The following TRPM2 variants were observed in gnomAD, a reference collection of about 807,000 sequenced individuals.
TRPM2 encodes estrogen-responsive element-associated gene 1 protein.
Under a neutral mutation model 174.0 loss-of-function variants are expected in TRPM2, and 161 were observed. That is an observed-to-expected ratio of 0.93 (90% CI 0.81 to 1.05). The LOEUF (loss-of-function observed/expected upper bound fraction) is 1.05, where lower values mean the gene tolerates loss of function less well. Among genes scored for constraint, TRPM2 ranks in the 50% least tolerant of loss-of-function variants. TRPM2 has a pLI of 0.00. For missense variants in TRPM2, 2,057 were observed against 2,038.0 expected (o/e 1.01, Z -0.18); for synonymous variants, 954 against 861.3 (o/e 1.11, Z -1.88).
chr21:44,405,326 G>A, intron 17 of TRPM2, 66 bp downstream of exon 17: 1 of 1,594,308 alleles, frequency 6.3e-7, no homozygotes, highest in Non-Finnish European at 8.5e-7. Flanking sequence ...ATGAGCACAG[G>A]CCGGGCCCAG....
chr21:44,439,357 GT>G lies in TRPM2; in HGVS notation c.4269+190del, dbSNP rs767551936. Among the ~76,000 whole-genome samples, 70 of 152,154 alleles carry G rather than the reference GT, an allele frequency of 4.6e-4. No individual in the cohort carries two copies. The highest frequency in any genetic ancestry group is 8.5e-4 in the Non-Finnish European group (58 of 68,010). Reference sequence around the variant, plus strand: ...TCCCAGAGGACCCGGAAGCATAGCTGTGTGCAGGGCCCCTCAGACATCTCGC... The same window carrying G: ...TCCCAGAGGACCCGGAAGCATAGCTGGTGCAGGGCCCCTCAGACATCTCGC... On this transcript the variant is annotated intron_variant, in intron 30 of 31. Coordinates refer to ENST00000397928, the MANE Select transcript of TRPM2 (RefSeq NM_003307.4). This position sits in a 1 kb window ranked among gnomAD's most constrained non-coding sequence, Gnocchi z 5.1.
intron 2 of TRPM2, among the ~76,000 whole-genome samples, chr21:44,361,834 G>C (rs2048216940): frequency 6.6e-6 from 1 of 152,088 alleles, no homozygotes; most frequent in Non-Finnish European, 1.5e-5. Context: ...TCAGTCTCCT[G>C]AATAGCTGGG....
intron 31 of TRPM2, 68 bp downstream of exon 31, chr21:44,440,973 G>T: frequency 7.1e-7 from 1 of 1,400,290 alleles, no homozygotes; most frequent in Middle Eastern, 1.8e-4. Context: ...GGCCTCCGGG[G>T]AGGGGGTTGG....
intron 12 of TRPM2, among the ~76,000 whole-genome samples, chr21:44,397,381 G>T (rs1452124070): frequency 6.6e-6 from 1 of 152,168 alleles, no homozygotes; most frequent in Non-Finnish European, 1.5e-5. Flanking sequence ...AAAAAAACTG[G>T]TTCTGTGGTT....
chr21:44,369,279 T>C lies in TRPM2; in HGVS notation c.707T>C (p.Leu236Pro). The stretch of plus-strand genomic sequence containing the variant: ...AGCAGCAGCTACAAGGAAGGCGAGC[T>C]CATCACCATCGGAGTCGCCACCTGG... ...SLSSSYKEGELITIGVATWGT... is the reference protein window; with the variant it reads ...SLSSSYKEGEPITIGVATWGT... The change falls in exon 5 of 32, where the codon CTC (leucine) becomes CCC (proline). Residue 236 changes from leucine to proline, a missense_variant. Transcript: ENST00000397928. 11 of 1,613,748 alleles carry C rather than the reference T, an allele frequency of 6.8e-6. No individual in the cohort carries two copies. Among genetic ancestry groups the C allele is most frequent in the Non-Finnish European group, 9.3e-6 (11 of 1,179,920 alleles).
chr21:44,434,201 A>AC (rs1242371969), intron 27 of TRPM2, among the ~76,000 whole-genome samples: 3 of 152,100 alleles, frequency 2.0e-5, no homozygotes, highest in Non-Finnish European at 4.4e-5. Flanking sequence ...GAGGAACGAT[A>AC]CCACTGTCCC....
chr21:44,419,948 G>C (rs1009303593), intron 22 of TRPM2, among the ~76,000 whole-genome samples: 2 of 150,868 alleles, frequency 1.3e-5, no homozygotes, highest in Non-Finnish European at 3.0e-5. Flanking sequence ...GCTGGTGCTG[G>C]TGGTGGTGAC....
Position 44,439,042 on chromosome 21 carries a change from C to G in TRPM2, c.4168-25C>G, listed in dbSNP as rs773669124. On this transcript the variant is annotated intron_variant, in intron 29 of 31. Transcript: ENST00000397928. This position sits in a 1 kb window ranked among gnomAD's most constrained non-coding sequence, Gnocchi z 5.1. ...GGTCCCGCTTCGGTGCCCTGTTGAC[C>G]TGCCTCCGTCCTCTGTCTGTCCAGG... The G allele has an allele frequency of 1.9e-6, 3 of 1,602,284 alleles. No homozygotes were observed. The highest frequency in any genetic ancestry group is 2.2e-5 in the South Asian group (2 of 90,756).
intron 9 of TRPM2, among the ~76,000 whole-genome samples, chr21:44,387,827 A>T (rs926020726): frequency 6.6e-6 from 1 of 152,258 alleles, no homozygotes; most frequent in African/African-American, 2.4e-5. Context: ...AGAAATGCAG[A>T]TCAAAACTAA....
At chr21:44,418,677 C>T (rs952430216) in intron 22 of TRPM2, 122 bp downstream of exon 22, 6 of 1,257,312 alleles carry the variant, frequency 4.8e-6, no homozygotes, top group African/African-American at 3.0e-5. Context: ...GGTGAGGGAG[C>T]GCTGTATCCC....
In TRPM2 at chr21:44,391,048, T is replaced by C; in HGVS notation, c.1440+23T>C. On this transcript the variant is annotated intron_variant, in intron 10 of 31. Coordinates refer to ENST00000397928, the MANE Select transcript of TRPM2 (RefSeq NM_003307.4). This position sits in a 1 kb window ranked among gnomAD's most constrained non-coding sequence, Gnocchi z 5.0. ...AAGGTAAGTCTTCCAGAGCACCCCG[T>C]GGAGGGGCCTACTGGGCCCACATGC... The C allele has an allele frequency of 6.2e-7, 1 of 1,613,366 alleles. No homozygotes were observed. Among genetic ancestry groups the C allele is most frequent in the Non-Finnish European group, 8.5e-7 (1 of 1,179,982 alleles).
chr21:44,377,688 C>T, intron 6 of TRPM2, 24 bp from the exon 7 acceptor site: 6 of 1,613,908 alleles, frequency 3.7e-6, no homozygotes, highest in South Asian at 1.1e-5. Context: ...GTGTGGCCCT[C>T]ACTCGGCTGT....
At chr21:44,413,169 C>T (rs2050159411) in intron 19 of TRPM2, among the ~76,000 whole-genome samples, 1 of 151,892 alleles carries the variant, frequency 6.6e-6, no homozygotes, top group African/African-American at 2.4e-5. Context: ...CTTCCCTTTT[C>T]CACATCTCCA....
At chr21:44,422,138 C>A in intron 22 of TRPM2, 1 of 1,040,908 alleles carries the variant, frequency 9.6e-7, no homozygotes, top group Non-Finnish European at 1.3e-6. Context: ...CAGCCCGTAC[C>A]AAGGGCCCTA....
chr21:44,380,364 G>A (rs1399261500), intron 8 of TRPM2, among the ~76,000 whole-genome samples: 2 of 152,216 alleles, frequency 1.3e-5, no homozygotes. Context: ...AGCTCCCCAT[G>A]TCAGGGCGGC....
rs1387337517 is a variant in TRPM2, at chr21:44,398,572, A to G, written c.2062+696A>G. On this transcript the variant is annotated intron_variant, in intron 13 of 31. Coordinates refer to ENST00000397928, the MANE Select transcript of TRPM2 (RefSeq NM_003307.4). ...GCGGGGAGTACTGATTGGTTGGGCC[A>G]GAGATGAAATCACAGCGGGTCAAAG... Among the ~76,000 whole-genome samples the G allele has an allele frequency of 3.3e-5, 5 of 152,104 alleles. No homozygotes were observed. In the East Asian group the frequency reaches 9.6e-4, roughly 29 times the overall value.
chr21:44,379,601 G>C (rs1441073635), intron 8 of TRPM2, among the ~76,000 whole-genome samples: 1 of 152,256 alleles, frequency 6.6e-6, no homozygotes, highest in African/African-American at 2.4e-5. Context: ...TAGCCTCATA[G>C]GTGAGTTAAT....
chr21:44,392,110 A>G (rs910450955), intron 11 of TRPM2, among the ~76,000 whole-genome samples: 5 of 151,902 alleles, frequency 3.3e-5, no homozygotes, highest in Admixed American at 6.6e-5. Flanking sequence ...GACTACAGGT[A>G]TGCGCCACCA....
chr21:44,422,364 A>T (rs1036294643), intron 22 of TRPM2: 1 of 1,535,998 alleles, frequency 6.5e-7, no homozygotes, highest in African/African-American at 1.4e-5. Context: ...CGGGTCCGAG[A>T]AGGCTCCAGT....
Sources: gnomAD v4.1 joint callset for allele counts (sites outside exome capture counted in the v4.1 genomes callset) on GRCh38, gnomAD v4.1.1 for gene constraint, Gnocchi (gnomAD v3.1) non-coding constraint, MANE v1.5 for transcripts, NCBI Gene and HGNC (gene_info 2026-07-23, HGNC 2026-07-21) for gene names.